Variants in AFF2 observed in about 807,000 individuals in gnomAD.
AFF2 encodes the protein ALF transcription elongation factor 2, also known as AF4/FMR2 family member 2.
AFF2 carries 14 observed loss-of-function variants against 76.9 expected under a neutral mutation model. The observed-to-expected ratio is 0.18, with a 90% CI of 0.12 to 0.28. AFF2 has a LOEUF of 0.28. Among genes scored for constraint, AFF2 ranks in the 10% least tolerant of loss-of-function variants. AFF2 has a pLI of 1.00. For synonymous variants in AFF2, 398 were observed against 366.7 expected (o/e 1.09, Z -0.98); for missense variants, 868 against 1,001.1 (o/e 0.87, Z 1.79).
At chrX:148,525,443 G>GTGAA (rs2052647815) in intron 1 of AFF2, among the ~76,000 whole-genome samples, 1 of 111,692 alleles carries the variant, frequency 9.0e-6, no homozygotes, top group African/African-American at 3.3e-5. Context: ...TCTCAGCCCA[G>GTGAA]TGAATGAGCT....
At chrX:148,915,128 CT>C (rs1247160378) in intron 9 of AFF2, among the ~76,000 whole-genome samples, 1 of 112,085 alleles carries the variant, frequency 8.9e-6, no homozygotes, top group African/African-American at 3.2e-5. Flanking sequence ...TTTCTTAAAG[CT>C]TTTGCCTAAA....
chrX:148,595,363 G>T (rs2053562595), intron 1 of AFF2, among the ~76,000 whole-genome samples: 1 of 111,750 alleles, frequency 8.9e-6, no homozygotes, highest in African/African-American at 3.3e-5. Context: ...ATGTCTATAG[G>T]AAACAGGAGC....
chrX:148,765,249 C>T (rs1453672595), intron 3 of AFF2, among the ~76,000 whole-genome samples: 1 of 111,434 alleles, frequency 9.0e-6, no homozygotes. Context: ...TTCTTCTTCC[C>T]TTTTCCTTCT....
At chrX:148,837,511 G>T in intron 4 of AFF2, 136 bp from the exon 5 acceptor site, 2 of 390,318 alleles carry the variant, frequency 5.1e-6, no homozygotes, top group South Asian at 9.7e-5. Flanking sequence ...TGGTCCAAAT[G>T]ACTTTAAATT....
intron 9 of AFF2, among the ~76,000 whole-genome samples, chrX:148,905,096 A>G (rs1241980936): frequency 8.9e-6 from 1 of 112,284 alleles, no homozygotes; most frequent in Non-Finnish European, 1.9e-5. Context: ...AGAAATGGAG[A>G]GTACATAGAT....
intron 2 of AFF2, among the ~76,000 whole-genome samples, chrX:148,656,493 A>ATTT (rs1205846596): frequency 2.0e-3 from 133 of 68,055 alleles, no homozygotes; most frequent in African/African-American, 5.1e-3. Flanking sequence ...TCCATGAGGA[A>ATTT]TTTTTTTTTT....
chrX:148,809,866 T>G lies in AFF2; in HGVS notation c.1042-10T>G. 2.5e-6 allele frequency: 3 copies of G among 1,209,562 alleles called. 1 individual carries two copies. The highest frequency in any genetic ancestry group is 2.2e-6 in the Non-Finnish European group (2 of 893,636). On this transcript the variant is annotated splice_polypyrimidine_tract_variant and intron_variant, in intron 3 of 20. Coordinates refer to ENST00000370460, the MANE Select transcript of AFF2 (RefSeq NM_002025.4). ...ATTGTGCCTAATGTTTTCTGTTTATTTTGTTTCAGGTAAGCCTTCCCAGTG... is the reference window on the plus strand; with the variant it reads ...ATTGTGCCTAATGTTTTCTGTTTATGTTGTTTCAGGTAAGCCTTCCCAGTG...
chrX:148,792,473 A>G (rs2069910502), intron 3 of AFF2, among the ~76,000 whole-genome samples: 2 of 112,799 alleles, frequency 1.8e-5, no homozygotes, highest in Admixed American at 1.9e-4. Context: ...AAAATAATAT[A>G]TAACCATTCT....
At chrX:148,518,869 AAC>A (rs782027300) in intron 1 of AFF2, among the ~76,000 whole-genome samples, 1 of 112,013 alleles carries the variant, frequency 8.9e-6, no homozygotes, top group Non-Finnish European at 1.9e-5. Context: ...TATATGACTT[AAC>A]AATATTTTGT....
At chrX:148,781,005 C>T (rs973253668) in intron 3 of AFF2, among the ~76,000 whole-genome samples, 1 of 112,130 alleles carries the variant, frequency 8.9e-6, no homozygotes, top group Admixed American at 9.4e-5. Context: ...TAACAGGCCC[C>T]TCTTCTGAAG....
chrX:148,665,195 T>A (rs1341338896), intron 3 of AFF2, among the ~76,000 whole-genome samples: 2 of 111,914 alleles, frequency 1.8e-5, no homozygotes, highest in Non-Finnish European at 3.8e-5. Flanking sequence ...CTCTTATACA[T>A]TCACAAAATG....
intron 7 of AFF2, among the ~76,000 whole-genome samples, chrX:148,884,905 C>T (rs782733010): frequency 1.8e-5 from 2 of 111,807 alleles, no homozygotes; most frequent in South Asian, 7.5e-4. Flanking sequence ...GATTTCTAGC[C>T]CTGGAGCTGA....
intron 3 of AFF2, among the ~76,000 whole-genome samples, chrX:148,708,157 T>C (rs1371808358): frequency 8.9e-6 from 1 of 112,019 alleles, no homozygotes; most frequent in Non-Finnish European, 1.9e-5. Context: ...GTTCTGGTAA[T>C]TGGATCTTTA....
chrX:148,643,869 A>G (rs2342914), intron 1 of AFF2, among the ~76,000 whole-genome samples: 22,297 of 110,843 alleles, frequency 0.2, 1,704 homozygotes, highest in African/African-American at 0.24. Flanking sequence ...ATAGTGTATG[A>G]GGACAAAAGA....
intron 1 of AFF2, among the ~76,000 whole-genome samples, chrX:148,645,347 A>G (rs182344439): frequency 8.9e-6 from 1 of 112,373 alleles, no homozygotes; most frequent in East Asian, 2.8e-4. Flanking sequence ...CATAAAGTTA[A>G]TTTTCATGTT....
chrX:148,745,419 G>A (rs782701244), intron 3 of AFF2, among the ~76,000 whole-genome samples: 9 of 111,435 alleles, frequency 8.1e-5, no homozygotes, highest in Admixed American at 5.7e-4. Context: ...CTCTATCTCC[G>A]GAATTATATT....
chrX:148,788,061 C>G (rs1234709559), intron 3 of AFF2, among the ~76,000 whole-genome samples: 9 of 111,487 alleles, frequency 8.1e-5, no homozygotes, highest in Non-Finnish European at 1.7e-4. Context: ...TAATGTGGAC[C>G]TTCTCAGTGG....
chrX:148,966,037 C>T (rs1557288622), intron 13 of AFF2, among the ~76,000 whole-genome samples: 1 of 111,597 alleles, frequency 9.0e-6, no homozygotes, highest in African/African-American at 3.3e-5. Flanking sequence ...CTTACCACCT[C>T]CTTTCTCCAT....
At chrX:148,889,096 C>A (rs2071194152) in intron 8 of AFF2, among the ~76,000 whole-genome samples, 1 of 111,870 alleles carries the variant, frequency 8.9e-6, no homozygotes, top group African/African-American at 3.2e-5. Flanking sequence ...GAGTACACAG[C>A]AATCTTTTTC....
Sources: gnomAD v4.1 joint callset for allele counts (sites outside exome capture counted in the v4.1 genomes callset) on GRCh38, gnomAD v4.1.1 for gene constraint, MANE v1.5 for transcripts, NCBI Gene and HGNC (gene_info 2026-07-23, HGNC 2026-07-21) for gene names.